PBX1: variants seen among roughly 807,000 people sequenced by gnomAD.
PBX1 encodes pre-B-cell leukemia transcription factor 1.
PBX1 carries 6 observed loss-of-function variants against 53.4 expected under a neutral mutation model. That is an observed-to-expected ratio of 0.11 (90% confidence interval 0.06 to 0.22). PBX1 has a LOEUF of 0.22. PBX1 is among the 10% of genes least tolerant of loss of function. The pLI, the probability that PBX1 is intolerant of heterozygous loss-of-function variation, is 1.00. For missense variants in PBX1, 251 were observed against 551.4 expected, an observed-to-expected ratio of 0.46 and a Z score of 5.46; for synonymous variants, 204 against 212.3, an observed-to-expected ratio of 0.96 and a Z score of 0.34.
chr1:164,779,297 A>G (rs1358219622), intron 2 of PBX1, among the ~76,000 whole-genome samples: 1 of 152,068 alleles, frequency 6.6e-6, no homozygotes, highest in South Asian at 2.1e-4. Context: ...TTTCTGGTCA[A>G]GTTTCCCCAG....
intron 3 of PBX1, 64 bp from the exon 4 acceptor site, chr1:164,799,632 GTCA>G: frequency 6.7e-7 from 1 of 1,483,344 alleles, no homozygotes; most frequent in Non-Finnish European, 9.2e-7. Flanking sequence ...GTGGCCTAAT[GTCA>G]TAGACTTGAT....
At chr1:164,829,844 C>T (rs774285839) in intron 8 of PBX1, 2 of 150,690 alleles carry the variant, frequency 1.3e-5, no homozygotes, top group Non-Finnish European at 3.0e-5. Flanking sequence ...CAACTAAGTA[C>T]CGTTAACATA....
chr1:164,861,147 A>AG (rs1672086890), intron 2 of PBX1, among the ~76,000 whole-genome samples: 1 of 152,184 alleles, frequency 6.6e-6, no homozygotes, highest in African/African-American at 2.4e-5. Context: ...AAGGCGTATA[A>AG]GGCATGAGAG....
intron 2 of PBX1, among the ~76,000 whole-genome samples, chr1:164,599,504 G>C (rs988353794): frequency 1.3e-5 from 2 of 152,116 alleles, no homozygotes; most frequent in African/African-American, 4.8e-5. Flanking sequence ...CTGGGGAAGG[G>C]TTAATAGTTC....
intron 2 of PBX1, chr1:164,625,823 AAG>A (rs200104108): frequency 1.2e-5 from 6 of 496,596 alleles, no homozygotes; most frequent in Non-Finnish European, 1.5e-5. Context: ...AAAAAAAAAA[AAG>A]AAAAAAAACA....
At chr1:164,757,957 T>G (rs2102213484) in intron 2 of PBX1, among the ~76,000 whole-genome samples, 1 of 152,298 alleles carries the variant, frequency 6.6e-6, no homozygotes, top group South Asian at 2.1e-4. Flanking sequence ...AGTTTTATAA[T>G]TTAAAATTGT....
At chr1:164,564,800 A>C (rs895203993) in intron 2 of PBX1, among the ~76,000 whole-genome samples, 1 of 151,558 alleles carries the variant, frequency 6.6e-6, no homozygotes, top group Non-Finnish European at 1.5e-5. Flanking sequence ...CAGAGTAGGA[A>C]ACTTAAGTGT....
chr1:164,628,476 C>T (rs1386007174), intron 2 of PBX1, among the ~76,000 whole-genome samples: 1 of 152,146 alleles, frequency 6.6e-6, no homozygotes, highest in Non-Finnish European at 1.5e-5. Context: ...ACAGGGAATC[C>T]TGGCTTTATG....
chr1:164,811,938 GT>G, intron 5 of PBX1, 51 bp from the exon 6 acceptor site: 2 of 1,513,452 alleles, frequency 1.3e-6, no homozygotes, highest in Non-Finnish European at 1.8e-6. Flanking sequence ...CTTCTGCAAT[GT>G]TTCTGAAGGA....
intron 2 of PBX1, among the ~76,000 whole-genome samples, chr1:164,686,482 A>G (rs940139459): frequency 2.0e-5 from 3 of 152,240 alleles, no homozygotes; most frequent in Non-Finnish European, 2.9e-5. Context: ...CAAATGGGTC[A>G]TAAGAACTTA....
intron 2 of PBX1, among the ~76,000 whole-genome samples, chr1:164,624,828 A>G (rs897384529): frequency 6.6e-6 from 1 of 152,208 alleles, no homozygotes; most frequent in South Asian, 2.1e-4. Flanking sequence ...GAGAGAGACT[A>G]TACATTCACA....
At chr1:164,793,928 G>A (rs1668660485) in intron 3 of PBX1, among the ~76,000 whole-genome samples, 1 of 124,578 alleles carries the variant, frequency 8.0e-6, no homozygotes, top group Non-Finnish European at 1.6e-5. Flanking sequence ...AGGCTAGAGT[G>A]CACCGGCACG....
In PBX1 at chr1:164,796,478, T is replaced by C. The variant is rs1490451954; in HGVS notation, c.511-3221T>C. ...AATCAACAGGACTAAATCTCTAATG[T>C]TGAACTGGACTGGGTTAATTCAGTT... is the stretch of plus-strand genomic sequence containing the variant. On this transcript the variant is annotated intron_variant, in intron 3 of 8. Transcript: ENST00000420696. Among the ~76,000 whole-genome samples, 4 of 152,222 alleles carry C rather than the reference T, an allele frequency of 2.6e-5. No homozygotes were observed. The East Asian group carries it at 5.8e-4, about 22-fold the overall frequency.
chr1:164,755,061 G>A (rs1183384009), intron 2 of PBX1, among the ~76,000 whole-genome samples: 2 of 152,142 alleles, frequency 1.3e-5, no homozygotes, highest in African/African-American at 4.8e-5. Context: ...ACCTTTGATG[G>A]AAGAACAAAA....
intron 2 of PBX1, among the ~76,000 whole-genome samples, chr1:164,679,170 T>C (rs897560538): frequency 3.3e-5 from 5 of 152,190 alleles, no homozygotes; most frequent in Non-Finnish European, 5.9e-5. Flanking sequence ...ATCCAATAAT[T>C]TGTTTCCTAG....
chr1:164,622,231 TC>T (rs1435342077), intron 2 of PBX1, among the ~76,000 whole-genome samples: 3 of 152,146 alleles, frequency 2.0e-5, no homozygotes, highest in Non-Finnish European at 4.4e-5. Context: ...AGGCCTCTGT[TC>T]CCAGCGTTGT....
chr1:164,732,007 A>G (rs192262445), intron 2 of PBX1, among the ~76,000 whole-genome samples: 53 of 152,282 alleles, frequency 3.5e-4, no homozygotes, highest in African/African-American at 1.2e-3. Flanking sequence ...GTGGGCAGCC[A>G]GAAGAACAGG....
chr1:164,881,126 T>C (rs1005124097), intron 2 of PBX1, among the ~76,000 whole-genome samples: 1 of 152,052 alleles, frequency 6.6e-6, no homozygotes. Flanking sequence ...CTCCCCTTTT[T>C]CTCCCACCAT....
At chr1:164,684,576 A>T (rs1317487264) in intron 2 of PBX1, 1 of 152,198 alleles carries the variant, frequency 6.6e-6, no homozygotes, top group Non-Finnish European at 1.5e-5. Flanking sequence ...GTATTTAGAT[A>T]TTTCTCTGAG....
Sources: allele counts gnomAD v4.1 joint callset (sites outside exome capture counted in the v4.1 genomes callset), GRCh38; gene constraint gnomAD v4.1.1; transcripts MANE v1.5; gene names NCBI Gene and HGNC (gene_info 2026-07-23, HGNC 2026-07-21).